Variants in SHTN1 observed in about 807,000 individuals in gnomAD.
SHTN1 encodes the protein shootin 1.
In SHTN1, 42 loss-of-function variants were observed where a neutral mutation model predicts 83.1. That is an observed-to-expected ratio of 0.51 (90% CI 0.39 to 0.65). SHTN1 has a LOEUF of 0.65. Among genes scored for constraint, SHTN1 ranks in the 30% least tolerant of loss-of-function variants. The pLI, the probability that SHTN1 is intolerant of heterozygous loss-of-function variation, is 0.00. For missense variants in SHTN1, 622 were observed against 737.8 expected (o/e 0.84, Z 1.82); for synonymous variants, 224 against 247.7 (o/e 0.90, Z 0.90).
At chr10:116,964,624 G>C (rs1358203617) in intron 3 of SHTN1, among the ~76,000 whole-genome samples, 7 of 152,176 alleles carry the variant, frequency 4.6e-5, no homozygotes, top group Non-Finnish European at 7.4e-5. Flanking sequence ...ATGAAAGTTG[G>C]CATATATGTA....
At chr10:117,082,865 C>CT (rs1242811223) in intron 1 of SHTN1, among the ~76,000 whole-genome samples, 2 of 151,328 alleles carry the variant, frequency 1.3e-5, no homozygotes, top group Admixed American at 6.6e-5. Flanking sequence ...CAACCCCTGC[C>CT]TTTTTTTGTT....
At chr10:116,965,724 A>G (rs1850366239) in intron 3 of SHTN1, among the ~76,000 whole-genome samples, 4 of 152,322 alleles carry the variant, frequency 2.6e-5, no homozygotes, top group Non-Finnish European at 1.5e-5. Context: ...GTAGCAACTA[A>G]TATTTATTGA....
chr10:116,894,505 A>G (rs1847444988), intron 16 of SHTN1, among the ~76,000 whole-genome samples: 1 of 152,206 alleles, frequency 6.6e-6, no homozygotes, highest in Non-Finnish European at 1.5e-5. Flanking sequence ...AAGCATGATA[A>G]ATTAGAAAAA....
chr10:116,897,353 T>C (rs1847559431), intron 16 of SHTN1, among the ~76,000 whole-genome samples: 1 of 152,214 alleles, frequency 6.6e-6, no homozygotes, highest in South Asian at 2.1e-4. Flanking sequence ...TGCCTCTTAC[T>C]CCTTTTCCTA....
intron 2 of SHTN1, among the ~76,000 whole-genome samples, chr10:117,045,012 A>C (rs752344887): frequency 4.6e-4 from 70 of 152,324 alleles, no homozygotes; most frequent in Middle Eastern, 6.8e-3. Flanking sequence ...ATTTTAATTA[A>C]GATTAGCAGG....
chr10:117,122,798 C>G (rs576847656), intron 1 of SHTN1, among the ~76,000 whole-genome samples: 1 of 152,234 alleles, frequency 6.6e-6, no homozygotes, highest in African/African-American at 2.4e-5. Context: ...AGTGAGAACT[C>G]TCAACCTCTT....
At chr10:116,910,262 T>C (rs1848137728) in intron 14 of SHTN1, among the ~76,000 whole-genome samples, 1 of 152,070 alleles carries the variant, frequency 6.6e-6, no homozygotes. Flanking sequence ...AAAAACTTAA[T>C]GTAAAGAAGT....
intron 16 of SHTN1, among the ~76,000 whole-genome samples, chr10:116,886,894 A>G (rs1847181641): frequency 6.6e-6 from 1 of 152,152 alleles, no homozygotes; most frequent in Non-Finnish European, 1.5e-5. Flanking sequence ...TGAACTTCTC[A>G]CAGCCTGCTG....
chr10:116,913,050 GCACCACCACCAC>G (rs569433136), intron 13 of SHTN1, among the ~76,000 whole-genome samples: 1 of 151,666 alleles, frequency 6.6e-6, no homozygotes, highest in African/African-American at 2.4e-5. Context: ...AACCACACTA[GCACCACCACCAC>G]CACCACCACC....
At chr10:117,034,456 A>G (rs758234540) in intron 2 of SHTN1, among the ~76,000 whole-genome samples, 12 of 152,198 alleles carry the variant, frequency 7.9e-5, no homozygotes, top group Non-Finnish European at 1.6e-4. Context: ...AGCCTGGCCA[A>G]CAAGGTGAAA....
intron 15 of SHTN1, among the ~76,000 whole-genome samples, chr10:116,904,147 C>T (rs947837961): frequency 8.5e-5 from 13 of 152,278 alleles, no homozygotes; most frequent in South Asian, 4.1e-4. Flanking sequence ...TTTACTTTCC[C>T]AAAAGCCTTT....
At chr10:117,103,568 C>T (rs1322121965) in intron 1 of SHTN1, among the ~76,000 whole-genome samples, 51 of 114,434 alleles carry the variant, frequency 4.5e-4, no homozygotes, top group Non-Finnish European at 6.0e-4. Flanking sequence ...GACGGAGTCT[C>T]GCTCTGTTGC....
chr10:117,115,565 C>T (rs1853834038), intron 1 of SHTN1, among the ~76,000 whole-genome samples: 1 of 152,152 alleles, frequency 6.6e-6, no homozygotes, highest in African/African-American at 2.4e-5. Flanking sequence ...TGGAGGATCT[C>T]TCTTTACACT....
chr10:117,007,933 G>A (rs572316193), upstream of SHTN1, among the ~76,000 whole-genome samples: 17 of 149,854 alleles, frequency 1.1e-4, no homozygotes, highest in East Asian at 2.6e-3. Context: ...ACTTGAACCC[G>A]AGAGGCGAAG....
chr10:117,095,366 T>C (rs1357676525), intron 1 of SHTN1, among the ~76,000 whole-genome samples: 1 of 152,216 alleles, frequency 6.6e-6, no homozygotes, highest in Non-Finnish European at 1.5e-5. Flanking sequence ...AATTACCATT[T>C]AACATTAGGG....
intron 2 of SHTN1, among the ~76,000 whole-genome samples, chr10:117,029,740 A>G (rs1852381003): frequency 6.6e-6 from 1 of 152,044 alleles, no homozygotes; most frequent in Non-Finnish European, 1.5e-5. Flanking sequence ...TTCTGCCATG[A>G]TTGCAAGTTT....
At chr10:117,046,150 A>G (rs2133584362) in intron 2 of SHTN1, among the ~76,000 whole-genome samples, 1 of 152,234 alleles carries the variant, frequency 6.6e-6, no homozygotes, top group East Asian at 1.9e-4. Flanking sequence ...AATGCTGTAG[A>G]TCCAGGAAGC....
intron 1 of SHTN1, among the ~76,000 whole-genome samples, chr10:116,988,763 C>CT (rs1297286281): frequency 6.6e-6 from 1 of 151,938 alleles, no homozygotes; most frequent in Non-Finnish European, 1.5e-5. Context: ...GCTGGTTGTA[C>CT]TCGTGGCCTC....
intron 16 of SHTN1, among the ~76,000 whole-genome samples, chr10:116,888,717 T>A (rs1376973610): frequency 6.6e-6 from 1 of 152,198 alleles, no homozygotes; most frequent in Non-Finnish European, 1.5e-5. Context: ...ACATGCCAGT[T>A]AGGTGAGTCA....
Sources: allele counts gnomAD v4.1 joint callset (sites outside exome capture counted in the v4.1 genomes callset), GRCh38; gene constraint gnomAD v4.1.1; transcripts MANE v1.5; gene names NCBI Gene and HGNC (gene_info 2026-07-23, HGNC 2026-07-21).